STOX1: variants seen among roughly 807,000 people sequenced by gnomAD.
STOX1 encodes the protein storkhead-box protein 1.
Under a neutral mutation model 74.8 loss-of-function variants are expected in STOX1, and 57 were observed. That is an observed-to-expected ratio of 0.76 (90% CI 0.62 to 0.95). The LOEUF is 0.95. Ranked by LOEUF, STOX1 falls within the 40% of genes least tolerant of loss-of-function variation. The pLI, the probability that STOX1 is intolerant of heterozygous loss-of-function variation, is 0.00. For missense variants in STOX1, 1,010 were observed against 1,117.0 expected (o/e 0.90, Z 1.37); for synonymous variants, 375 against 401.3 (o/e 0.93, Z 0.78).
chr10:68,865,779 T>C (rs953952052), intron 1 of STOX1, among the ~76,000 whole-genome samples: 51 of 152,224 alleles, frequency 3.4e-4, no homozygotes, highest in African/African-American at 1.2e-3. Context: ...TACATTTACC[T>C]GATTTTTTCT....
At position 68,882,149 on chromosome 10, in the gene STOX1, A is replaced by T. The variant is rs754511645; in HGVS notation, c.463+39A>T. ...TTTTTGTCTATTTGTACTTCACTGT[A>T]TGTGTTTGGTTTCTATTTATAATTA... On this transcript the variant is annotated intron_variant, in intron 2 of 3. Transcript: ENST00000298596. 1.9e-6 allele frequency: 3 copies of T among 1,589,582 alleles called. No individual in the cohort carries two copies. The East Asian group carries it at 6.7e-5, about 36-fold the overall frequency.
intron 1 of STOX1, among the ~76,000 whole-genome samples, chr10:68,847,107 G>A (rs900668613): frequency 6.6e-6 from 1 of 152,092 alleles, no homozygotes; most frequent in African/African-American, 2.4e-5. Flanking sequence ...ATGCCTTCCA[G>A]ATACCAAGGA....
At chr10:68,840,185 C>T (rs536157177) in intron 1 of STOX1, among the ~76,000 whole-genome samples, 3 of 152,256 alleles carry the variant, frequency 2.0e-5, no homozygotes, top group South Asian at 2.1e-4. Context: ...ACAGCCAACT[C>T]AAAACGAGTT....
intron 1 of STOX1, among the ~76,000 whole-genome samples, chr10:68,832,190 G>C (rs1201962708): frequency 6.6e-6 from 1 of 152,212 alleles, no homozygotes; most frequent in East Asian, 1.9e-4. Context: ...ACTGCAGGGA[G>C]GTGGGGCACC....
Position 68,885,783 on chromosome 10 carries a change from A to G in STOX1, c.1987A>G (p.Ile663Val). 6.2e-7 allele frequency: 1 copy of G among 1,614,130 alleles called. No homozygotes were observed. Residue 663 changes from isoleucine (I) to valine (V), a missense_variant, in exon 3 of 4, where the codon ATA becomes GTA. Ile to Val is a conservative substitution (Grantham distance 29). Transcript: ENST00000298596. Reference sequence around the variant, plus strand: ...TGCTTGTAGATTAGTGGATAACACAATACACCAGTTTCAAAATCTTGGCCT... The same window carrying G: ...TGCTTGTAGATTAGTGGATAACACAGTACACCAGTTTCAAAATCTTGGCCT... Reference protein sequence around the residue: ...PSACRLVDNTIHQFQNLGLLD... With the variant: ...PSACRLVDNTVHQFQNLGLLD...
At chr10:68,870,256 A>G (rs1840505984) in intron 1 of STOX1, among the ~76,000 whole-genome samples, 1 of 152,102 alleles carries the variant, frequency 6.6e-6, no homozygotes, top group Non-Finnish European at 1.5e-5. Flanking sequence ...TAGACCTGTT[A>G]GTCACTGTCA....
In STOX1 at chr10:68,827,892, G is replaced by A; in HGVS notation, c.269G>A (p.Arg90Gln). 1.2e-5 allele frequency: 1 copy of A among 84,580 alleles called. No homozygotes were observed. The highest frequency in any genetic ancestry group is 1.5e-5 in the Non-Finnish European group (1 of 67,682). The allele number at this position is 84,580 out of a possible 1,614,324, so 5.2% of individuals were successfully genotyped here. A position where few individuals can be genotyped will look rare whatever the true frequency, so the allele number is the denominator to read the frequency against. ...LQVLRDAWRR[R>Q]ALRPPRGFRI... ...GTGCTGCGCGATGCCTGGCGGCGCC[G>A]GGCCCTGCGGCCGCCGCGCGGCTTC... Residue 90 changes from arginine (R) to glutamine (Q), a missense_variant, in exon 1 of 4, where the codon CGG becomes CAG. By Grantham distance (43) the Arg-to-Gln change is conservative (BLOSUM62 1). Transcript: ENST00000298596.
At chr10:68,869,633 G>T (rs1840491323) in intron 1 of STOX1, among the ~76,000 whole-genome samples, 1 of 152,132 alleles carries the variant, frequency 6.6e-6, no homozygotes. Flanking sequence ...CTGAATGGAG[G>T]GAAGTCACAG....
intron 1 of STOX1, among the ~76,000 whole-genome samples, chr10:68,849,957 A>C (rs1233155134): frequency 2.0e-5 from 3 of 152,150 alleles, no homozygotes; most frequent in Non-Finnish European, 4.4e-5. Flanking sequence ...AATGGCCAGT[A>C]CCTGGAAAGC....
At chr10:68,879,635 T>C (rs146813284) in intron 1 of STOX1, among the ~76,000 whole-genome samples, 1 of 152,350 alleles carries the variant, frequency 6.6e-6, no homozygotes, top group African/African-American at 2.4e-5. Context: ...TCATATTCAC[T>C]GGATCCTACT....
At chr10:68,852,424 A>G (rs1840012135) in intron 1 of STOX1, among the ~76,000 whole-genome samples, 1 of 150,698 alleles carries the variant, frequency 6.6e-6, no homozygotes. Flanking sequence ...GCACCCGGCT[A>G]ATTTTTTGTA....
intron 1 of STOX1, among the ~76,000 whole-genome samples, chr10:68,842,454 A>C (rs572200755): frequency 2.9e-4 from 44 of 151,442 alleles, no homozygotes; most frequent in South Asian, 6.3e-4. Context: ...TTTTCTCTTA[A>C]TTTATCTTTT....
intron 1 of STOX1, among the ~76,000 whole-genome samples, chr10:68,872,221 T>C (rs775917932): frequency 9.2e-5 from 14 of 152,164 alleles, no homozygotes; most frequent in Non-Finnish European, 1.9e-4. Flanking sequence ...TCTGGCAGAC[T>C]TCCTAGCTCT....
chr10:68,831,222 T>G (rs899855043), intron 1 of STOX1, among the ~76,000 whole-genome samples: 10 of 152,154 alleles, frequency 6.6e-5, no homozygotes, highest in Non-Finnish European at 1.2e-4. Context: ...TGTTTCACCC[T>G]TGTTGCCCAG....
At chr10:68,882,940 G>T (rs1031570559) in intron 2 of STOX1, among the ~76,000 whole-genome samples, 1 of 152,142 alleles carries the variant, frequency 6.6e-6, no homozygotes, top group Non-Finnish European at 1.5e-5. Context: ...TGTTGCCCAG[G>T]TTAGAGTGCA....
intron 1 of STOX1, among the ~76,000 whole-genome samples, chr10:68,874,876 A>G (rs1475307033): frequency 6.6e-6 from 1 of 152,184 alleles, no homozygotes; most frequent in African/African-American, 2.4e-5. Context: ...TGAGTGGACA[A>G]GGCAAACACA....
intron 1 of STOX1, among the ~76,000 whole-genome samples, chr10:68,833,242 C>T (rs760252446): frequency 3.3e-5 from 5 of 152,004 alleles, no homozygotes; most frequent in South Asian, 2.1e-4. Flanking sequence ...CGTGCCAGCA[C>T]GCCCGGCTAA....
chr10:68,882,197 G>A, intron 2 of STOX1, 87 bp downstream of exon 2: 2 of 1,335,106 alleles, frequency 1.5e-6, no homozygotes, highest in Admixed American at 1.7e-5. Flanking sequence ...TAAACTGGGT[G>A]ATATCCTTTT....
Position 68,886,040 on chromosome 10 carries a change from A to G in STOX1, c.2244A>G (p.Leu748=), listed in dbSNP as rs1348515369. The G allele has an allele frequency of 6.2e-7, 1 of 1,614,272 alleles. No homozygotes were observed. The highest frequency in any genetic ancestry group is 8.5e-7 in the Non-Finnish European group (1 of 1,180,058). ...ATGACATTTCTGAGAATGACGACTT[A>G]CGTCAAATGCTGCCTGGCCACAGTC... ...EEDDISENDD[L]RQMLPGHSQY... The change falls in exon 3 of 4, where the codon TTA becomes TTG. Residue 748 remains leucine (L), a synonymous_variant. Transcript: ENST00000298596.
Sources: allele counts gnomAD v4.1 joint callset (sites outside exome capture counted in the v4.1 genomes callset), GRCh38; gene constraint gnomAD v4.1.1; transcripts MANE v1.5; gene names NCBI Gene and HGNC (gene_info 2026-07-23, HGNC 2026-07-21).